SLC35F4: variants seen among roughly 807,000 people sequenced by gnomAD.
The protein encoded by SLC35F4 is chromosome 14 open reading frame 36.
A neutral mutation model predicts 44.2 loss-of-function variants in SLC35F4; 24 were observed. The ratio of observed to expected loss-of-function variants is 0.54; its 90% CI spans 0.39 to 0.76. The LOEUF (loss-of-function observed/expected upper bound fraction) is 0.76, where lower values mean the gene tolerates loss of function less well. SLC35F4 is among the 30% of genes least tolerant of loss of function. SLC35F4 has a pLI of 0.00. For synonymous variants in SLC35F4, 238 were observed against 223.6 expected (o/e 1.06, Z -0.57); for missense variants, 562 against 586.1 (o/e 0.96, Z 0.42).
intron 1 of SLC35F4, among the ~76,000 whole-genome samples, chr14:57,817,476 T>G (rs1882729129): frequency 6.6e-6 from 1 of 152,128 alleles, no homozygotes; most frequent in Admixed American, 6.6e-5. Flanking sequence ...GCTACCATGC[T>G]TCCCCTTATT....
intron 1 of SLC35F4, among the ~76,000 whole-genome samples, chr14:57,800,473 C>T (rs1209522054): frequency 6.6e-6 from 1 of 152,152 alleles, no homozygotes; most frequent in African/African-American, 2.4e-5. Context: ...CAAATGACCA[C>T]AACACCTAAC....
At position 57,932,190 on chromosome 14, in the gene SLC35F4, G is replaced by C. The variant is rs150238232; in HGVS notation, n.282+49723C>G. Among the ~76,000 whole-genome samples, 362 of 152,276 alleles carry C rather than the reference G, an allele frequency of 2.4e-3. 3 individuals are homozygous for C. The highest frequency in any genetic ancestry group is 8.3e-3 in the African/African-American group (346 of 41,546). On this transcript the variant is annotated intron_variant and non_coding_transcript_variant, in intron 1 of 1. Coordinates refer to the SLC35F4 transcript ENST00000556568. ...TGCTAGAGTTTAGTGAGGTTATTTGGAGTGGTTTTTGTTGTTATTTTAAGT... is the reference window on the plus strand; with the variant it reads ...TGCTAGAGTTTAGTGAGGTTATTTGCAGTGGTTTTTGTTGTTATTTTAAGT...
At chr14:57,611,595 A>AAC (rs753104689) in intron 1 of SLC35F4, among the ~76,000 whole-genome samples, 1 of 151,862 alleles carries the variant, frequency 6.6e-6, no homozygotes, top group Non-Finnish European at 1.5e-5. Flanking sequence ...TAAAAAAAAA[A>AAC]AAACAAAAAA....
chr14:57,882,277 G>A (rs1452206437), intron 1 of SLC35F4, among the ~76,000 whole-genome samples: 1 of 152,110 alleles, frequency 6.6e-6, no homozygotes, highest in African/African-American at 2.4e-5. Flanking sequence ...TGAGATTGGG[G>A]CAGGGCAGCC....
intron 4 of SLC35F4, 143 bp downstream of exon 4, chr14:57,581,071 T>C (rs777459452): frequency 1.5e-5 from 11 of 737,346 alleles, no homozygotes; most frequent in Non-Finnish European, 2.0e-5. Context: ...GGCTTTCTAA[T>C]GCGTCTTCAG....
chr14:57,956,012 G>C (rs1388992888), intron 1 of SLC35F4, among the ~76,000 whole-genome samples: 2 of 152,208 alleles, frequency 1.3e-5, no homozygotes, highest in South Asian at 2.1e-4. Context: ...AATAAAGCTG[G>C]AGGCATCACA....
chr14:57,668,371 T>C (rs1466960053), intron 1 of SLC35F4, among the ~76,000 whole-genome samples: 3 of 151,940 alleles, frequency 2.0e-5, no homozygotes, highest in African/African-American at 7.3e-5. Context: ...TTTGTTGCCA[T>C]TGCTTTTGGT....
intron 1 of SLC35F4, among the ~76,000 whole-genome samples, chr14:57,878,695 T>G (rs1015056204): frequency 3.9e-5 from 6 of 152,164 alleles, no homozygotes; most frequent in African/African-American, 1.4e-4. Context: ...TGTTTCCCTC[T>G]CTAGACTGTA....
intron 1 of SLC35F4, among the ~76,000 whole-genome samples, chr14:57,835,489 T>A (rs556336882): frequency 2.9e-4 from 44 of 152,302 alleles, no homozygotes; most frequent in Admixed American, 6.5e-4. Flanking sequence ...AATGACTGAT[T>A]TGCTTTTCAC....
chr14:57,754,572 C>T (rs2140580938), intron 1 of SLC35F4, among the ~76,000 whole-genome samples: 1 of 152,320 alleles, frequency 6.6e-6, no homozygotes, highest in East Asian at 1.9e-4. Flanking sequence ...AGCTCCCTTT[C>T]AAGGCCAGCT....
chr14:57,677,006 C>G (rs1671260581), intron 1 of SLC35F4, among the ~76,000 whole-genome samples: 2 of 152,012 alleles, frequency 1.3e-5, no homozygotes, highest in South Asian at 4.1e-4. Context: ...AATATGAAAC[C>G]AGCCTAAATG....
chr14:57,580,087 C>A lies in SLC35F4; in HGVS notation c.807+1127G>T, dbSNP rs926122264. On this transcript the variant is annotated intron_variant, in intron 4 of 7. Transcript: ENST00000556826. The stretch of plus-strand genomic sequence containing the variant: ...ACATTTGGATATACTGTAATGGTAT[C>A]ATGGACTGACTCACAGTTTCTGATT... Among the ~76,000 whole-genome samples, 6 of 152,182 alleles carry A rather than the reference C, an allele frequency of 3.9e-5. No homozygotes were observed. In the South Asian group the frequency reaches 1.0e-3, roughly 26 times the overall value.
At chr14:57,851,863 G>A (rs1273935530) in intron 1 of SLC35F4, among the ~76,000 whole-genome samples, 1 of 152,208 alleles carries the variant, frequency 6.6e-6, no homozygotes, top group Non-Finnish European at 1.5e-5. Flanking sequence ...GAAGCTGAGT[G>A]AGGGGTTACG....
At chr14:57,838,637 T>C (rs146497468) in intron 1 of SLC35F4, among the ~76,000 whole-genome samples, 6 of 152,240 alleles carry the variant, frequency 3.9e-5, no homozygotes, top group African/African-American at 1.4e-4. Flanking sequence ...ATAAGAGACA[T>C]GACAGTTCAG....
downstream of SLC35F4, among the ~76,000 whole-genome samples, chr14:57,975,581 G>A (rs548594170): frequency 6.6e-6 from 1 of 152,286 alleles, no homozygotes; most frequent in Admixed American, 6.5e-5. Flanking sequence ...GAGTGTTAAG[G>A]AGGGAGTCGA....
At chr14:57,759,765 T>C (rs1459984934) in intron 1 of SLC35F4, among the ~76,000 whole-genome samples, 1 of 152,166 alleles carries the variant, frequency 6.6e-6, no homozygotes, top group Non-Finnish European at 1.5e-5. Context: ...TGGTGATTAG[T>C]AATGTTGAGC....
chr14:57,957,053 A>G (rs1490725913), intron 1 of SLC35F4, among the ~76,000 whole-genome samples: 1 of 152,226 alleles, frequency 6.6e-6, no homozygotes, highest in South Asian at 2.1e-4. Flanking sequence ...ACGTTCATCA[A>G]TGATATATTG....
intron 6 of SLC35F4, among the ~76,000 whole-genome samples, chr14:57,566,860 G>T (rs1394545058): frequency 6.6e-6 from 1 of 152,234 alleles, no homozygotes; most frequent in African/African-American, 2.4e-5. Context: ...GCACTATAAA[G>T]GTAGATTGGG....
intron 5 of SLC35F4, among the ~76,000 whole-genome samples, chr14:57,571,102 G>A (rs540380765): frequency 9.9e-5 from 15 of 152,130 alleles, no homozygotes; most frequent in East Asian, 3.9e-4. Context: ...GGGTATTTTC[G>A]GCCTTTCAGA....
Sources: allele counts gnomAD v4.1 joint callset (sites outside exome capture counted in the v4.1 genomes callset), GRCh38; gene constraint gnomAD v4.1.1; transcripts MANE v1.5; gene names NCBI Gene and HGNC (gene_info 2026-07-23, HGNC 2026-07-21).